The following NR3C2 variants were observed in gnomAD, a reference collection of about 807,000 sequenced individuals.
NR3C2 encodes mineralocorticoid receptor.
In NR3C2, 15 loss-of-function variants were observed where a neutral mutation model predicts 86.4. The ratio of observed to expected loss-of-function variants is 0.17; its 90% CI spans 0.12 to 0.27. The LOEUF is 0.27. NR3C2 is among the 10% of genes least tolerant of loss of function. NR3C2 has a pLI of 1.00. For synonymous variants in NR3C2, 458 were observed against 450.5 expected (o/e 1.02, Z -0.21); for missense variants, 960 against 1,195.6 (o/e 0.80, Z 2.91).
chr4:148,323,920 AAG>A (rs1040405632), intron 2 of NR3C2, among the ~76,000 whole-genome samples: 1 of 152,146 alleles, frequency 6.6e-6, no homozygotes. Flanking sequence ...CTCATTTTTA[AAG>A]AGTCTTCAAT....
At chr4:148,313,628 TG>T (rs1162382097) in intron 2 of NR3C2, among the ~76,000 whole-genome samples, 1 of 152,104 alleles carries the variant, frequency 6.6e-6, no homozygotes, top group Non-Finnish European at 1.5e-5. Context: ...GGTGGGAAAA[TG>T]GGTCCCAGCT....
At chr4:148,444,860 C>T (rs1283738678), upstream of NR3C2, 2 of 984,872 alleles carry the variant, frequency 2.0e-6, no homozygotes, top group Admixed American at 6.2e-5. Context: ...CCCTGGGAGC[C>T]GGGAAGTCCG....
intron 3 of NR3C2, among the ~76,000 whole-genome samples, chr4:148,211,299 T>C (rs890954082): frequency 2.0e-5 from 3 of 152,352 alleles, no homozygotes; most frequent in Non-Finnish European, 2.9e-5. Flanking sequence ...TGTGTATAGA[T>C]ACCTATTAAA....
chr4:148,283,223 G>T (rs79972153), intron 2 of NR3C2, among the ~76,000 whole-genome samples: 8,222 of 152,192 alleles, frequency 0.054, 266 homozygotes, highest in African/African-American at 0.1. Flanking sequence ...GTGGGGTCAG[G>T]TAAGCCAATT....
chr4:148,241,461 T>C (rs1282243034), intron 3 of NR3C2, among the ~76,000 whole-genome samples: 2 of 151,846 alleles, frequency 1.3e-5, no homozygotes, highest in African/African-American at 4.8e-5. Context: ...ACATTAGCCA[T>C]TGCCTTTTTC....
chr4:148,189,421 T>C (rs994189964), intron 4 of NR3C2, among the ~76,000 whole-genome samples: 1 of 152,344 alleles, frequency 6.6e-6, no homozygotes, highest in East Asian at 1.9e-4. Flanking sequence ...CTTTTCGATA[T>C]GTTGTTGGAT....
In NR3C2 at chr4:148,310,199, G is replaced by A. The variant is rs112866936; in HGVS notation, c.1758-50082C>T. Among the ~76,000 whole-genome samples the A allele has an allele frequency of 5.9e-5, 9 of 151,924 alleles. No individual in the cohort carries two copies. In the South Asian group the frequency reaches 8.3e-4, roughly 14 times the overall value. Reference sequence around the variant, plus strand: ...TACTTCATTCCAGTGTATTTTAATCGCTCCACTTGCATATATCCTCAATTC... The same window carrying A: ...TACTTCATTCCAGTGTATTTTAATCACTCCACTTGCATATATCCTCAATTC... On this transcript the variant is annotated intron_variant, in intron 2 of 8. Coordinates refer to ENST00000358102, the MANE Select transcript of NR3C2 (RefSeq NM_000901.5).
intron 2 of NR3C2, among the ~76,000 whole-genome samples, chr4:148,431,313 T>A (rs4835138): frequency 0.45 from 68,721 of 151,996 alleles, 17,875 homozygotes; most frequent in African/African-American, 0.7. Context: ...TAGACTTGAG[T>A]ATACAAAATA....
chr4:148,296,065 A>AAAG (rs1346230095), intron 2 of NR3C2, among the ~76,000 whole-genome samples: 65 of 151,288 alleles, frequency 4.3e-4, no homozygotes, highest in African/African-American at 1.4e-3. Context: ...AAAAAAAAAA[A>AAAG]AGAGAGAATG....
intron 8 of NR3C2, among the ~76,000 whole-genome samples, chr4:148,097,754 T>G: frequency 6.7e-6 from 1 of 149,094 alleles, no homozygotes; most frequent in Non-Finnish European, 1.5e-5. Context: ...TTTTTTTGTT[T>G]TTTTTTTTTT....
In NR3C2 at chr4:148,210,594, C is replaced by T. The variant is rs113106286; in HGVS notation, c.1898-15732G>A. ...TCCTACTTGTCAGTGTTCTTTTATGCATATTCCCAAAGGGGAAAAAAACCT... is the reference window on the plus strand; with the variant it reads ...TCCTACTTGTCAGTGTTCTTTTATGTATATTCCCAAAGGGGAAAAAAACCT... On this transcript the variant is annotated intron_variant, in intron 3 of 8. Transcript: ENST00000358102. Among the ~76,000 whole-genome samples, 14 of 152,288 alleles carry T rather than the reference C, an allele frequency of 9.2e-5. 1 individual carries two copies. The highest frequency in any genetic ancestry group is 3.4e-4 in the African/African-American group (14 of 41,556).
At position 148,279,976 on chromosome 4, in the gene NR3C2, C is replaced by T. The variant is rs1429289304; in HGVS notation, c.1758-19859G>A. Among the ~76,000 whole-genome samples the T allele has an allele frequency of 4.6e-5, 7 of 152,160 alleles. No individual in the cohort carries two copies. The East Asian group carries it at 9.6e-4, about 21-fold the overall frequency. ...CTGACCTCAGGTGATGCACCTGCCT[C>T]GGCCTCCCAAAGTACTGGGATTACA... On this transcript the variant is annotated intron_variant, in intron 2 of 8. Transcript: ENST00000358102.
chr4:148,356,570 T>C (rs1185355814), intron 2 of NR3C2, among the ~76,000 whole-genome samples: 2 of 152,182 alleles, frequency 1.3e-5, no homozygotes, highest in East Asian at 3.8e-4. Flanking sequence ...TACTGTAAGT[T>C]GGAATTTGCT....
At chr4:148,437,732 A>AT (rs1473920059) in intron 1 of NR3C2, among the ~76,000 whole-genome samples, 1 of 152,136 alleles carries the variant, frequency 6.6e-6, no homozygotes, top group Non-Finnish European at 1.5e-5. Flanking sequence ...AGCCCCGAAA[A>AT]TTTAAGCATT....
At chr4:148,148,846 T>C (rs114128726) in intron 6 of NR3C2, among the ~76,000 whole-genome samples, 1 of 152,072 alleles carries the variant, frequency 6.6e-6, no homozygotes, top group East Asian at 1.9e-4. Context: ...GAGAGAGGGA[T>C]TTTTTTTCTC....
At chr4:148,410,075 A>G (rs1221930913) in intron 2 of NR3C2, among the ~76,000 whole-genome samples, 2 of 152,182 alleles carry the variant, frequency 1.3e-5, no homozygotes, top group Non-Finnish European at 2.9e-5. Context: ...CACATAAAAA[A>G]TTAGGTACCT....
Position 148,275,376 on chromosome 4 carries a change from A to T in NR3C2, c.1758-15259T>A, listed in dbSNP as rs573450703. ...TCCAAAATATAAATCATAAAAGCAA[A>T]GAAGACATTATGAGGAATTCAATTT... is the stretch of plus-strand genomic sequence containing the variant. On this transcript the variant is annotated intron_variant, in intron 2 of 8. Transcript: ENST00000358102. Among the ~76,000 whole-genome samples the T allele has an allele frequency of 2.0e-5, 3 of 152,344 alleles. No homozygotes were observed. In the East Asian group the frequency reaches 5.8e-4, roughly 29 times the overall value.
At position 148,408,546 on chromosome 4, in the gene NR3C2, T is replaced by C. The variant is rs576364918; in HGVS notation, c.1757+26558A>G. 4.7e-4 allele frequency among the ~76,000 whole-genome samples: 71 copies of C among 152,288 alleles called. No homozygotes were observed. The South Asian group carries it at 0.013, about 29-fold the overall frequency. On this transcript the variant is annotated intron_variant, in intron 2 of 8. Coordinates refer to ENST00000358102, the MANE Select transcript of NR3C2 (RefSeq NM_000901.5). ...CATCAAACTCAGGTTTTTAAACTCATTGAAATGATCTAGTCAACCACTAAA... is the reference window on the plus strand; with the variant it reads ...CATCAAACTCAGGTTTTTAAACTCACTGAAATGATCTAGTCAACCACTAAA...
At chr4:148,288,677 AGTC>A (rs1380078258) in intron 2 of NR3C2, among the ~76,000 whole-genome samples, 1 of 152,094 alleles carries the variant, frequency 6.6e-6, no homozygotes, top group Non-Finnish European at 1.5e-5. Flanking sequence ...ACCGTCTTCC[AGTC>A]TCAACCATCT....
Sources: gnomAD v4.1 joint callset for allele counts (sites outside exome capture counted in the v4.1 genomes callset) on GRCh38, gnomAD v4.1.1 for gene constraint, MANE v1.5 for transcripts, NCBI Gene and HGNC (gene_info 2026-07-23, HGNC 2026-07-21) for gene names.